The following DNM3 variants were observed in gnomAD, a reference collection of about 807,000 sequenced individuals.
DNM3 encodes the protein dynamin-3.
A neutral mutation model predicts 101.6 loss-of-function variants in DNM3; 47 were observed. The ratio of observed to expected loss-of-function variants is 0.46; its 90% CI spans 0.37 to 0.59. DNM3 has a LOEUF of 0.59. Ranked by LOEUF, DNM3 falls within the 20% of genes least tolerant of loss-of-function variation. The pLI is 0.00. For missense variants in DNM3, 849 were observed against 1,085.7 expected (o/e 0.78, Z 3.06); for synonymous variants, 385 against 387.9 (o/e 0.99, Z 0.09).
chr1:172,268,185 A>T (rs1467362325), intron 15 of DNM3, among the ~76,000 whole-genome samples: 1 of 152,086 alleles, frequency 6.6e-6, no homozygotes. Context: ...GATGAGGGTA[A>T]TGTTTATTTG....
chr1:172,039,676 A>G (rs2049228988), intron 7 of DNM3, among the ~76,000 whole-genome samples: 1 of 152,038 alleles, frequency 6.6e-6, no homozygotes, highest in Non-Finnish European at 1.5e-5. Flanking sequence ...AACTTTTCAC[A>G]GCTAGATTCT....
chr1:172,273,007 T>C (rs1358409763), intron 15 of DNM3, among the ~76,000 whole-genome samples: 2 of 152,116 alleles, frequency 1.3e-5, no homozygotes, highest in African/African-American at 4.8e-5. Context: ...TTATTCTTTT[T>C]TCTTTAAATG....
chr1:172,058,731 C>T (rs901908938), intron 10 of DNM3, among the ~76,000 whole-genome samples: 62 of 151,454 alleles, frequency 4.1e-4, no homozygotes, highest in Non-Finnish European at 7.2e-4. Context: ...TAAATGCCCA[C>T]AAGAGAAAGC....
rs1434249580 is a variant in DNM3 at position 171,882,308 on chromosome 1, A to C, written c.162-39440A>C. 2.1e-5 allele frequency among the ~76,000 whole-genome samples: 3 copies of C among 144,208 alleles called. No homozygotes were observed. The East Asian group carries it at 6.1e-4, about 29-fold the overall frequency. The allele number at this position is 144,208 out of a possible 152,430, so 94.6% of individuals were successfully genotyped here. On this transcript the variant is annotated intron_variant, in intron 1 of 20. Coordinates refer to ENST00000627582, the MANE Select transcript of DNM3 (RefSeq NM_015569.5). ...CGGTGAGCCGAGATCGCGCCATTGC[A>C]CTCCAGTCTGGGCAACAAGAGCGAA...
chr1:172,163,002 T>G (rs2058599252), intron 14 of DNM3, among the ~76,000 whole-genome samples: 2 of 152,124 alleles, frequency 1.3e-5, no homozygotes, highest in South Asian at 4.1e-4. Context: ...CAGGCATCCT[T>G]GAGACTTATT....
chr1:172,055,453 G>A (rs2050528873), intron 10 of DNM3, among the ~76,000 whole-genome samples: 1 of 151,514 alleles, frequency 6.6e-6, no homozygotes, highest in Non-Finnish European at 1.5e-5. Flanking sequence ...GCACACCATC[G>A]TTAATCTACT....
intron 17 of DNM3, among the ~76,000 whole-genome samples, chr1:172,325,899 A>G (rs1417777195): frequency 1.3e-5 from 2 of 152,190 alleles, no homozygotes; most frequent in African/African-American, 4.8e-5. Context: ...TCCTTAGATG[A>G]GCAGGACAGA....
chr1:172,388,790 G>A lies in DNM3; in HGVS notation c.2503G>A (p.Ala835Thr), dbSNP rs1260057691. Residue 835 changes from alanine (A) to threonine (T), a missense_variant, in exon 20 of 21, where the codon GCC (alanine) becomes ACC (threonine). Physicochemically the swap from Ala to Thr is moderately conservative, Grantham distance 58. Around this residue, in one of 5 missense-constraint regions of DNM3, gnomAD observed 256 missense variants for 311.7 expected, o/e 0.82. Coordinates refer to ENST00000627582, the MANE Select transcript of DNM3 (RefSeq NM_015569.5). ...ACAAGTTCCATCTAGGCCTACGAGG[G>A]CCCCGCCCAGTGTCCCAAGGTAAGG... ...PPQVPSRPTRAPPSVPSRRPP... is the reference protein window; with the variant it reads ...PPQVPSRPTRTPPSVPSRRPP... The A allele has an allele frequency of 3.1e-6, 5 of 1,587,912 alleles. No homozygotes were observed. The highest frequency in any genetic ancestry group is 1.1e-5 in the South Asian group (1 of 87,182).
At chr1:172,396,269 G>T (rs974672834) in intron 20 of DNM3, among the ~76,000 whole-genome samples, 20 of 152,216 alleles carry the variant, frequency 1.3e-4, no homozygotes, top group Non-Finnish European at 1.6e-4. Context: ...AAAATGGCAA[G>T]TAGCAAAATT....
intron 4 of DNM3, among the ~76,000 whole-genome samples, chr1:171,999,793 G>C (rs1219866668): frequency 1.3e-5 from 2 of 152,124 alleles, no homozygotes; most frequent in Non-Finnish European, 2.9e-5. Context: ...GACAGAGAGA[G>C]ACAAGATAGA....
chr1:171,853,714 A>T (rs902894674), intron 1 of DNM3, among the ~76,000 whole-genome samples: 5 of 152,128 alleles, frequency 3.3e-5, no homozygotes, highest in Non-Finnish European at 7.4e-5. Flanking sequence ...CTCCTTTCGC[A>T]TGTGGGATAA....
In DNM3 at chr1:172,408,696, T is replaced by C; in HGVS notation, c.*855T>C. On this transcript the variant is annotated 3_prime_UTR_variant, in exon 21 of 21. Transcript: ENST00000627582. ...AGAATGTTTACTTTTCTATTTGGCA[T>C]AGCTAACTACACTTTGATACTAACT... The C allele has an allele frequency of 1.5e-5, 15 of 984,952 alleles. No homozygotes were observed. Among genetic ancestry groups the C allele is most frequent in the Non-Finnish European group, 1.8e-5 (15 of 829,524 alleles). 61.0% of individuals were successfully genotyped at this position (984,952 alleles called of 1,614,324 possible).
At position 171,841,752 on chromosome 1, in the gene DNM3, G is replaced by T. The variant is rs757798537; in HGVS notation, c.96G>T (p.Pro32=). 8 of 1,610,608 alleles carry T rather than the reference G, an allele frequency of 5.0e-6. No homozygotes were observed. In the South Asian group the frequency reaches 8.8e-5, roughly 18 times the overall value. ...GACAGAGCTGCCTGCTGGAGCTGCC[G>T]CAGATCGCCGTGGTGGGCGGCCAGA... ...ALGQSCLLEL[P]QIAVVGGQSA... The change falls in exon 1 of 21, where the codon CCG becomes CCT. Residue 32 remains proline, a synonymous_variant. Transcript: ENST00000627582.
At chr1:171,898,503 T>C (rs1207186951) in intron 1 of DNM3, among the ~76,000 whole-genome samples, 2 of 152,134 alleles carry the variant, frequency 1.3e-5, no homozygotes, top group Non-Finnish European at 2.9e-5. Flanking sequence ...TTAAAACCTA[T>C]TTTTTCTTCT....
chr1:171,950,864 AAT>A (rs991469445), intron 2 of DNM3, among the ~76,000 whole-genome samples: 15 of 152,156 alleles, frequency 9.9e-5, no homozygotes, highest in Non-Finnish European at 1.9e-4. Context: ...AAGCTATGAA[AAT>A]ATGTGTCCAT....
intron 13 of DNM3, among the ~76,000 whole-genome samples, chr1:172,114,667 C>T (rs1157080818): frequency 6.6e-6 from 1 of 152,096 alleles, no homozygotes; most frequent in Non-Finnish European, 1.5e-5. Flanking sequence ...CTGTTTAGTG[C>T]TCTGTGCATT....
At chr1:172,073,646 T>C (rs2052400978) in intron 11 of DNM3, among the ~76,000 whole-genome samples, 1 of 152,136 alleles carries the variant, frequency 6.6e-6, no homozygotes, top group Non-Finnish European at 1.5e-5. Flanking sequence ...CTCTGATGCG[T>C]TCAAATGCTA....
chr1:172,044,035 A>G (rs1030125517), intron 8 of DNM3, among the ~76,000 whole-genome samples: 4 of 152,210 alleles, frequency 2.6e-5, no homozygotes, highest in African/African-American at 7.2e-5. Context: ...TGAAACTCTC[A>G]TTTATGCATT....
chr1:172,061,213 G>C lies in DNM3; in HGVS notation c.1336-7606G>C, dbSNP rs1366798003. The stretch of plus-strand genomic sequence containing the variant: ...TCAGGAAACAACAGGTGCTGGAGAA[G>C]ATGTGGAGAAATAGGAACACTTTTA... On this transcript the variant is annotated intron_variant, in intron 10 of 20. Transcript: ENST00000627582. Among the ~76,000 whole-genome samples the C allele has an allele frequency of 4.0e-5, 6 of 151,012 alleles. No individual in the cohort carries two copies. In the East Asian group the frequency reaches 8.0e-4, roughly 20 times the overall value.
Sources: allele counts gnomAD v4.1 joint callset (sites outside exome capture counted in the v4.1 genomes callset), GRCh38; gene constraint gnomAD v4.1.1; regional missense constraint gnomAD v4.1.1; transcripts MANE v1.5; gene names NCBI Gene and HGNC (gene_info 2026-07-23, HGNC 2026-07-21).